The following PTPRD variants were observed in gnomAD, a reference collection of about 807,000 sequenced individuals.
PTPRD encodes the protein protein tyrosine phosphatase receptor type D.
Under a neutral mutation model 214.5 loss-of-function variants are expected in PTPRD, and 34 were observed. The observed-to-expected ratio is 0.16, with a 90% CI of 0.12 to 0.21. The LOEUF (loss-of-function observed/expected upper bound fraction) is 0.21. PTPRD is among the 10% of genes least tolerant of loss of function. The pLI, the probability that PTPRD is intolerant of heterozygous loss-of-function variation, is 1.00. For missense variants in PTPRD, 2,545 were observed against 2,398.7 expected, an observed-to-expected ratio of 1.06 and a Z score of -1.27; for synonymous variants, 1,128 against 845.7, an observed-to-expected ratio of 1.33 and a Z score of -5.79.
chr9:8,493,848 C>T (rs977495113), intron 26 of PTPRD, among the ~76,000 whole-genome samples: 4 of 152,100 alleles, frequency 2.6e-5, no homozygotes, highest in African/African-American at 9.7e-5. Flanking sequence ...AGACCAGATG[C>T]TCTTTGATAT....
intron 7 of PTPRD, among the ~76,000 whole-genome samples, chr9:9,597,212 G>A (rs2093419391): frequency 6.6e-6 from 1 of 151,872 alleles, no homozygotes; most frequent in Non-Finnish European, 1.5e-5. Flanking sequence ...AAAGAGAAAA[G>A]GCCAACAGAT....
At chr9:10,542,536 G>A (rs2059340987) in intron 2 of PTPRD, among the ~76,000 whole-genome samples, 1 of 150,606 alleles carries the variant, frequency 6.6e-6, no homozygotes, top group African/African-American at 2.4e-5. Context: ...ACCTAGTGAT[G>A]TTGTCTTATT....
At chr9:9,190,449 CT>C (rs1343823294) in intron 9 of PTPRD, among the ~76,000 whole-genome samples, 11 of 152,000 alleles carry the variant, frequency 7.2e-5, no homozygotes, top group Non-Finnish European at 1.3e-4. Context: ...CGCATTTTCT[CT>C]TGCAGCTGCC....
chr9:9,936,454 G>T (rs1320021430), intron 5 of PTPRD, among the ~76,000 whole-genome samples: 4 of 151,250 alleles, frequency 2.6e-5, no homozygotes, highest in Non-Finnish European at 5.9e-5. Context: ...CATTTATGCA[G>T]CCAAAAAACA....
At chr9:9,133,443 T>C (rs2099845914) in intron 10 of PTPRD, among the ~76,000 whole-genome samples, 1 of 152,192 alleles carries the variant, frequency 6.6e-6, no homozygotes, top group Non-Finnish European at 1.5e-5. Context: ...TAATATAAGA[T>C]GGTCAATTCA....
At chr9:9,041,536 G>T (rs1215677391) in intron 10 of PTPRD, among the ~76,000 whole-genome samples, 1 of 152,154 alleles carries the variant, frequency 6.6e-6, no homozygotes, top group East Asian at 1.9e-4. Context: ...TGCTTCAAAG[G>T]ATATGATCTC....
intron 5 of PTPRD, among the ~76,000 whole-genome samples, chr9:9,812,740 C>A (rs1240949421): frequency 6.6e-6 from 1 of 151,986 alleles, no homozygotes; most frequent in African/African-American, 2.4e-5. Context: ...GACAGAAAAT[C>A]AATAAGGAAA....
intron 36 of PTPRD, among the ~76,000 whole-genome samples, chr9:8,400,073 A>C (rs1489487339): frequency 1.3e-5 from 2 of 152,160 alleles, no homozygotes; most frequent in African/African-American, 4.8e-5. Flanking sequence ...ATTTTGCTTT[A>C]TATTTAGACT....
chr9:10,366,651 G>C (rs1020742490), intron 2 of PTPRD, among the ~76,000 whole-genome samples: 1 of 152,114 alleles, frequency 6.6e-6, no homozygotes, highest in African/African-American at 2.4e-5. Context: ...AATTCTAATT[G>C]TGAAATACAT....
At chr9:8,416,349 T>C (rs1368842496) in intron 35 of PTPRD, among the ~76,000 whole-genome samples, 1 of 152,210 alleles carries the variant, frequency 6.6e-6, no homozygotes, top group Admixed American at 6.6e-5. Context: ...ACACCAATGC[T>C]ATCAGCAGTT....
At chr9:9,836,492 C>T (rs1282536138) in intron 5 of PTPRD, among the ~76,000 whole-genome samples, 1 of 152,060 alleles carries the variant, frequency 6.6e-6, no homozygotes, top group African/African-American at 2.4e-5. Flanking sequence ...TGACTACTAC[C>T]ACTGATAAAT....
At chr9:9,315,504 C>T (rs908365705) in intron 9 of PTPRD, among the ~76,000 whole-genome samples, 3 of 151,880 alleles carry the variant, frequency 2.0e-5, no homozygotes, top group Non-Finnish European at 4.4e-5. Flanking sequence ...TTTCTATATA[C>T]CACACATTAA....
rs548593892 is a variant in PTPRD at position 8,667,158 on chromosome 9, G to A, written c.65-30314C>T. Among the ~76,000 whole-genome samples the A allele has an allele frequency of 7.9e-5, 12 of 152,186 alleles. No homozygotes were observed. In the South Asian group the frequency reaches 1.9e-3, roughly 24 times the overall value. On this transcript the variant is annotated intron_variant, in intron 12 of 45. Coordinates refer to ENST00000381196, the MANE Select transcript of PTPRD (RefSeq NM_002839.4). ...GTTCAAGACCAGCCTGGCCAACATGGCGAAACCCCATCTCTACTAAAAATA... is the reference window on the plus strand; with the variant it reads ...GTTCAAGACCAGCCTGGCCAACATGACGAAACCCCATCTCTACTAAAAATA...
intron 12 of PTPRD, among the ~76,000 whole-genome samples, chr9:8,644,180 G>A (rs1445109030): frequency 3.3e-5 from 5 of 151,970 alleles, no homozygotes; most frequent in Non-Finnish European, 7.4e-5. Context: ...CCTCTCTGAT[G>A]AGAACTGAGG....
chr9:10,446,537 AG>A, intron 2 of PTPRD, among the ~76,000 whole-genome samples: 1 of 150,458 alleles, frequency 6.6e-6, no homozygotes, highest in Middle Eastern at 3.5e-3. Context: ...CAAATAGTAT[AG>A]AAATACACTC....
At chr9:9,357,575 A>G (rs1008550896) in intron 9 of PTPRD, among the ~76,000 whole-genome samples, 2 of 151,348 alleles carry the variant, frequency 1.3e-5, no homozygotes, top group Admixed American at 1.3e-4. Flanking sequence ...TTAAAAGACC[A>G]TATAAGAATC....
At chr9:8,748,828 T>C (rs184349315) in intron 11 of PTPRD, among the ~76,000 whole-genome samples, 4 of 152,150 alleles carry the variant, frequency 2.6e-5, no homozygotes, top group Non-Finnish European at 4.4e-5. Context: ...TGAGAATCGC[T>C]TGAACCCAGG....
chr9:8,777,408 G>A (rs967955675), intron 11 of PTPRD, among the ~76,000 whole-genome samples: 1 of 152,152 alleles, frequency 6.6e-6, no homozygotes, highest in Non-Finnish European at 1.5e-5. Flanking sequence ...TAAACTAGCA[G>A]TAGTTAACAG....
At chr9:9,695,997 T>C (rs2097366741) in intron 7 of PTPRD, among the ~76,000 whole-genome samples, 1 of 152,260 alleles carries the variant, frequency 6.6e-6, no homozygotes, top group East Asian at 1.9e-4. Context: ...ATTGGGAGAA[T>C]TCAGCAGTGA....
Sources: gnomAD v4.1 joint callset for allele counts (sites outside exome capture counted in the v4.1 genomes callset) on GRCh38, gnomAD v4.1.1 for gene constraint, MANE v1.5 for transcripts, NCBI Gene and HGNC (gene_info 2026-07-23, HGNC 2026-07-21) for gene names.